Variants in CIP2A observed in about 807,000 individuals in gnomAD.
The protein encoded by CIP2A is cellular inhibitor of PP2A, also known as protein CIP2A.
CIP2A carries 103 observed loss-of-function variants against 110.9 expected under a neutral mutation model. That is an observed-to-expected ratio of 0.93 (90% confidence interval 0.79 to 1.09). The LOEUF is 1.09. Ranked by LOEUF, CIP2A falls within the 50% of genes least tolerant of loss-of-function variation. CIP2A has a pLI of 0.00. For synonymous variants in CIP2A, 381 were observed against 361.6 expected, an observed-to-expected ratio of 1.05 and a Z score of -0.61; for missense variants, 1,088 against 1,038.4, an observed-to-expected ratio of 1.05 and a Z score of -0.66.
At chr3:108,566,851 A>G (rs1271856001) in intron 10 of CIP2A, among the ~76,000 whole-genome samples, 1 of 151,810 alleles carries the variant, frequency 6.6e-6, no homozygotes, top group African/African-American at 2.4e-5. Context: ...TTCTGACTCA[A>G]TGGTTAAAAC....
chr3:108,553,673 T>C lies in CIP2A; in HGVS notation c.2382A>G (p.Leu794=). 2 of 1,527,466 alleles carry C rather than the reference T, an allele frequency of 1.3e-6. No homozygotes were observed. The highest frequency in any genetic ancestry group is 1.7e-5 in the Admixed American group (1 of 59,826). The allele number at this position is 1,527,466 out of a possible 1,614,324, so 94.6% of individuals were successfully genotyped here. The part of the protein sequence containing the change: ...EEQRKEVQNQ[L]VDREHKLANL... Reference sequence around the variant, plus strand: ...TTGCTAGCTTATGTTCTCTGTCTACTAGCTGATTCTGTACTTCTTTTCTCT... The same window carrying C: ...TTGCTAGCTTATGTTCTCTGTCTACCAGCTGATTCTGTACTTCTTTTCTCT... Residue 794 remains leucine, a synonymous_variant, in exon 19 of 21, where the codon CTA becomes CTG. Coordinates refer to ENST00000295746, the MANE Select transcript of CIP2A (RefSeq NM_020890.3).
chr3:108,575,355 T>C (rs1160244152), intron 8 of CIP2A, among the ~76,000 whole-genome samples: 1 of 151,164 alleles, frequency 6.6e-6, no homozygotes, highest in Non-Finnish European at 1.5e-5. Flanking sequence ...TACACACATG[T>C]GTATATATAC....
intron 1 of CIP2A, among the ~76,000 whole-genome samples, chr3:108,587,359 A>G (rs1400831632): frequency 6.6e-6 from 1 of 152,198 alleles, no homozygotes; most frequent in Non-Finnish European, 1.5e-5. Context: ...AAAATGAAGT[A>G]GCGGTACATG....
Position 108,589,344 on chromosome 3 carries a change from A to G in CIP2A, c.32T>C (p.Leu11Pro), listed in dbSNP as rs1252002448. ...GGCTTTGTACTGACTGACAGTCAGG[A>G]GCAAGGACTTCAAGCAGGCAGTGGA... Reference protein sequence around the residue: MDSTACLKSLLLTVSQYKAVK... With the variant: MDSTACLKSLPLTVSQYKAVK... The change falls in exon 1 of 21, where the codon CTC (leucine) becomes CCC (proline). Residue 11 changes from leucine (L) to proline (P), a missense_variant. Coordinates refer to ENST00000295746, the MANE Select transcript of CIP2A (RefSeq NM_020890.3). 6.2e-7 allele frequency: 1 copy of G among 1,613,942 alleles called. No individual in the cohort carries two copies. The highest frequency in any genetic ancestry group is 8.5e-7 in the Non-Finnish European group (1 of 1,179,912).
In CIP2A at chr3:108,560,788, T is replaced by A. The variant is rs201370420; in HGVS notation, c.1688A>T (p.His563Leu). 3.1e-6 allele frequency: 5 copies of A among 1,613,064 alleles called. No individual in the cohort carries two copies. The Admixed American group carries it at 8.3e-5, about 27-fold the overall frequency. ...TTGCCAGGGCATTTTTCTGGGTATA[T>A]GTTCTGTTTCCTGTTGTCTATAGGC... is the stretch of plus-strand genomic sequence containing the variant. ...NNAYRQQETE[H>L]IPRKMPWQSS... is the part of the protein sequence containing the mutation. Residue 563 changes from histidine to leucine, a missense_variant, in exon 14 of 21, where the codon CAT (histidine) becomes CTT (leucine). Coordinates refer to ENST00000295746, the MANE Select transcript of CIP2A (RefSeq NM_020890.3).
chr3:108,565,260 A>G, intron 12 of CIP2A, 95 bp downstream of exon 12: 2 of 655,128 alleles, frequency 3.1e-6, no homozygotes, highest in East Asian at 3.0e-5. Context: ...TTCTAAGAGA[A>G]TTATCTTCTA....
chr3:108,587,667 C>G (rs1939101841), intron 1 of CIP2A, among the ~76,000 whole-genome samples: 1 of 152,212 alleles, frequency 6.6e-6, no homozygotes, highest in Admixed American at 6.5e-5. Flanking sequence ...TAGTAGTAAC[C>G]TGAAGCCAGT....
intron 12 of CIP2A, 37 bp downstream of exon 12, chr3:108,565,318 A>T (rs766781343): frequency 1.0e-6 from 1 of 988,478 alleles, no homozygotes; most frequent in Non-Finnish European, 1.6e-6. Flanking sequence ...CCATTTATGT[A>T]TGAATAAACT....
chr3:108,570,781 G>A (rs1938378863), intron 8 of CIP2A, among the ~76,000 whole-genome samples: 1 of 152,056 alleles, frequency 6.6e-6, no homozygotes, highest in South Asian at 2.1e-4. Context: ...CATAAAGACT[G>A]TATGCTTAAG....
At position 108,579,650 on chromosome 3, in the gene CIP2A, C is replaced by A; in HGVS notation, c.588G>T (p.Leu196Phe). Residue 196 changes from leucine (L) to phenylalanine (F), a missense_variant, in exon 6 of 21, where the codon TTG (leucine) becomes TTT (phenylalanine). By Grantham distance (22) the Leu-to-Phe change is conservative. Transcript: ENST00000295746. The stretch of plus-strand genomic sequence containing the variant: ...CCACAGTTAAACTACTATGGGCCAA[C>A]AAGGTGATAAGAGTTCGATAAAAAG... Reference protein sequence around the residue: ...VKSFYRTLITLLAHSSLTVVV... With the variant: ...VKSFYRTLITFLAHSSLTVVV... 6.2e-7 allele frequency: 1 copy of A among 1,600,124 alleles called. No homozygotes were observed. Among genetic ancestry groups the A allele is most frequent in the Non-Finnish European group, 8.5e-7 (1 of 1,173,840 alleles).
At chr3:108,575,107 T>A (rs767953235) in intron 8 of CIP2A, 1 of 152,066 alleles carries the variant, frequency 6.6e-6, no homozygotes, top group African/African-American at 2.4e-5. Context: ...CACCAATAAA[T>A]CATACTCCCT....
At position 108,589,408 on chromosome 3, in the gene CIP2A, A is replaced by C. The variant is rs750712217; in HGVS notation, c.-33T>G. On this transcript the variant is annotated 5_prime_UTR_variant, in exon 1 of 21. Coordinates refer to ENST00000295746, the MANE Select transcript of CIP2A (RefSeq NM_020890.3). ...GCCGCGGCCCGGCTTAGGGACCACCACCGCCCAGCGTGCGCCGGCCTTTAG... is the reference window on the plus strand; with the variant it reads ...GCCGCGGCCCGGCTTAGGGACCACCCCCGCCCAGCGTGCGCCGGCCTTTAG... 2.6e-6 allele frequency: 4 copies of C among 1,509,850 alleles called. No individual in the cohort carries two copies. The highest frequency in any genetic ancestry group is 3.7e-6 in the Non-Finnish European group (4 of 1,094,830). 93.5% of individuals were successfully genotyped at this position (1,509,850 alleles called of 1,614,324 possible). A position where few individuals can be genotyped will look rare whatever the true frequency, so the allele number is the denominator to read the frequency against.
rs1483288767 is a variant in CIP2A at position 108,560,135 on chromosome 3, A to G, written c.1828-107T>C. 6.1e-6 allele frequency: 4 copies of G among 650,864 alleles called. No individual in the cohort carries two copies. In the Admixed American group the frequency reaches 1.2e-4, roughly 19 times the overall value. 40.3% of individuals were successfully genotyped at this position (650,864 alleles called of 1,614,324 possible). A position where few individuals can be genotyped will look rare whatever the true frequency, so the allele number is the denominator to read the frequency against. Reference sequence around the variant, plus strand: ...AAATCATTAAAACTTAATGATGAGTAACAAAATAAAAACAAATGCTACATC... The same window carrying G: ...AAATCATTAAAACTTAATGATGAGTGACAAAATAAAAACAAATGCTACATC... On this transcript the variant is annotated intron_variant, in intron 14 of 20. Coordinates refer to ENST00000295746, the MANE Select transcript of CIP2A (RefSeq NM_020890.3).
At chr3:108,556,236 C>A (rs1937797569) in intron 17 of CIP2A, among the ~76,000 whole-genome samples, 1 of 152,100 alleles carries the variant, frequency 6.6e-6, no homozygotes, top group South Asian at 2.1e-4. Flanking sequence ...AGCATATGTA[C>A]CATGCCAAGC....
intron 1 of CIP2A, among the ~76,000 whole-genome samples, chr3:108,587,835 T>A (rs1387363346): frequency 1.3e-5 from 2 of 152,094 alleles, no homozygotes; most frequent in African/African-American, 4.8e-5. Flanking sequence ...CATGTTGGAG[T>A]GCAGTGGAGC....
Position 108,571,090 on chromosome 3 carries a change from C to T in CIP2A, c.895-1483G>A, listed in dbSNP as rs1161129578. Among the ~76,000 whole-genome samples the T allele has an allele frequency of 2.0e-5, 3 of 152,180 alleles. No homozygotes were observed. In the East Asian group the frequency reaches 5.8e-4, roughly 29 times the overall value. ...ACCACTTCCACCTCCACATGTTGTC[C>T]CACTGGAAGGTCTTCAGGGGCAGTA... is the stretch of plus-strand genomic sequence containing the variant. On this transcript the variant is annotated intron_variant, in intron 8 of 20. Coordinates refer to ENST00000295746, the MANE Select transcript of CIP2A (RefSeq NM_020890.3).
At position 108,553,894 on chromosome 3, in the gene CIP2A, T is replaced by TACAAAAAAAAAAAAAAAAAAAAA. The variant is rs1303036231; in HGVS notation, c.2325-165_2325-164insTTTTTTTTTTTTTTTTTTTTTGT. ...GGTGAAACCCCGTCTCTACTAAAAA[T>TACAAAAAAAAAAAAAAAAAAAAA]ATAAAAAAAAAAAAAAAAAAAAAAA... On this transcript the variant is annotated intron_variant, in intron 18 of 20. Coordinates refer to ENST00000295746, the MANE Select transcript of CIP2A (RefSeq NM_020890.3). Among the ~76,000 whole-genome samples the TACAAAAAAAAAAAAAAAAAAAAA allele has an allele frequency of 4.6e-3, 229 of 49,728 alleles. 108 individuals are homozygous for TACAAAAAAAAAAAAAAAAAAAAA. Among genetic ancestry groups the TACAAAAAAAAAAAAAAAAAAAAA allele is most frequent in the Non-Finnish European group, 6.2e-3 (156 of 25,124 alleles). 32.6% of individuals were successfully genotyped at this position (49,728 alleles called of 152,430 possible). A position where few individuals can be genotyped will look rare whatever the true frequency, so the allele number is the denominator to read the frequency against.
In CIP2A at chr3:108,582,960, T is replaced by A; in HGVS notation, c.357+17A>T. The A allele has an allele frequency of 6.6e-7, 1 of 1,506,570 alleles. No individual in the cohort carries two copies. Among genetic ancestry groups the A allele is most frequent in the Non-Finnish European group, 9.2e-7 (1 of 1,090,290 alleles). The allele number at this position is 1,506,570 out of a possible 1,614,324, so 93.3% of individuals were successfully genotyped here. A position where few individuals can be genotyped will look rare whatever the true frequency, so the allele number is the denominator to read the frequency against. On this transcript the variant is annotated intron_variant, in intron 3 of 20. Coordinates refer to ENST00000295746, the MANE Select transcript of CIP2A (RefSeq NM_020890.3). ...TGACAGTAAGGAAAGGGGAATACAC[T>A]GTGTGGGTCTGTATACCTGCAAAAA...
intron 2 of CIP2A, among the ~76,000 whole-genome samples, chr3:108,583,324 T>A (rs1291142847): frequency 5.3e-5 from 8 of 152,212 alleles, no homozygotes; most frequent in Non-Finnish European, 1.5e-5. Flanking sequence ...TTGATACTAA[T>A]TATTTTAGTA....
Sources: gnomAD v4.1 joint callset for allele counts (sites outside exome capture counted in the v4.1 genomes callset) on GRCh38, gnomAD v4.1.1 for gene constraint, MANE v1.5 for transcripts, NCBI Gene and HGNC (gene_info 2026-07-23, HGNC 2026-07-21) for gene names.